CEP70: variants seen among roughly 807,000 people sequenced by gnomAD.
CEP70 encodes the protein centrosomal protein of 70 kDa.
In CEP70, 70 loss-of-function variants were observed where a neutral mutation model predicts 90.9. The observed-to-expected ratio is 0.77, with a 90% CI of 0.64 to 0.94. The LOEUF (loss-of-function observed/expected upper bound fraction) is 0.94, where lower values mean the gene tolerates loss of function less well. Ranked by LOEUF, CEP70 falls within the 40% of genes least tolerant of loss-of-function variation. CEP70 has a pLI of 0.00. For missense variants in CEP70, 648 were observed against 669.0 expected (o/e 0.97, Z 0.35); for synonymous variants, 220 against 228.3 (o/e 0.96, Z 0.33).
chr3:138,572,998 G>C lies in CEP70; in HGVS notation c.-5-66C>G, dbSNP rs1000519407. The C allele has an allele frequency of 1.3e-5, 14 of 1,072,166 alleles. No homozygotes were observed. The African/African-American group carries it at 2.2e-4, about 17-fold the overall frequency. The allele number at this position is 1,072,166 out of a possible 1,614,324, so 66.4% of individuals were successfully genotyped here. On this transcript the variant is annotated intron_variant, in intron 2 of 17. Coordinates refer to ENST00000264982, the MANE Select transcript of CEP70 (RefSeq NM_024491.4). ...AATTTGAGTTGCCTAAATGAAAAAA[G>C]ACAAAAAGTGCAAAAGGAGTTAAAG...
intron 10 of CEP70, among the ~76,000 whole-genome samples, chr3:138,527,013 A>G: frequency 2.9e-5 from 1 of 34,356 alleles, no homozygotes; most frequent in East Asian, 6.0e-4. Flanking sequence ...ACGATAGACA[A>G]AAAAAGAGTA....
chr3:138,554,070 G>A lies in CEP70; in HGVS notation c.465+16248C>T, dbSNP rs574878889. On this transcript the variant is annotated intron_variant, in intron 6 of 17. Transcript: ENST00000264982. ...ACAAAAAATAGCCAGGCATGGTGGT[G>A]CATGCCTGTAATCCCAGCTACTCAG... Among the ~76,000 whole-genome samples, 6 of 151,984 alleles carry A rather than the reference G, an allele frequency of 3.9e-5. No homozygotes were observed. In the South Asian group the frequency reaches 1.2e-3, roughly 32 times the overall value.
At chr3:138,562,640 C>T (rs1395694941) in intron 6 of CEP70, among the ~76,000 whole-genome samples, 1 of 152,186 alleles carries the variant, frequency 6.6e-6, no homozygotes, top group Non-Finnish European at 1.5e-5. Flanking sequence ...AAATCCTTTA[C>T]AGACAAACAA....
rs370858919 is a variant in CEP70 at position 138,529,225 on chromosome 3, C to T, written c.843G>A (p.Leu281=). ...SKIDALSSEK[L]NLQKDLETRP... is the part of the protein sequence containing the mutation. ...TGGTTTCCAAATCTTTTTGGAGGTTCAGCTTTTCACTTGAAAGTGCATCAA... is the reference window on the plus strand; with the variant it reads ...TGGTTTCCAAATCTTTTTGGAGGTTTAGCTTTTCACTTGAAAGTGCATCAA... Residue 281 remains leucine, a synonymous_variant, in exon 10 of 18, where the codon CTG becomes CTA. Transcript: ENST00000264982. 9 of 1,604,244 alleles carry T rather than the reference C, an allele frequency of 5.6e-6. No homozygotes were observed. The East Asian group carries it at 8.9e-5, about 16-fold the overall frequency.
At chr3:138,593,253 C>T (rs896637196) in intron 1 of CEP70, among the ~76,000 whole-genome samples, 5 of 152,150 alleles carry the variant, frequency 3.3e-5, no homozygotes, top group Non-Finnish European at 5.9e-5. Flanking sequence ...GACAGAGTCT[C>T]GCTCCGTCAC....
intron 11 of CEP70, among the ~76,000 whole-genome samples, chr3:138,511,487 G>A (rs1334928971): frequency 2.0e-5 from 3 of 152,152 alleles, no homozygotes; most frequent in Non-Finnish European, 4.4e-5. Flanking sequence ...CTTTCACTTA[G>A]GTGAAAATGT....
intron 6 of CEP70, among the ~76,000 whole-genome samples, chr3:138,556,679 G>A (rs2040033248): frequency 6.6e-6 from 1 of 152,180 alleles, no homozygotes; most frequent in Non-Finnish European, 1.5e-5. Context: ...GCGTCCGGGG[G>A]AGACATCACG....
chr3:138,576,561 AG>A (rs1282378723), intron 2 of CEP70, among the ~76,000 whole-genome samples: 3 of 152,186 alleles, frequency 2.0e-5, no homozygotes, highest in Non-Finnish European at 4.4e-5. Context: ...AAGGTTAACA[AG>A]GATATCCAGG....
At chr3:138,550,240 A>G (rs2039516778) in intron 6 of CEP70, among the ~76,000 whole-genome samples, 1 of 152,234 alleles carries the variant, frequency 6.6e-6, no homozygotes, top group South Asian at 2.1e-4. Flanking sequence ...AATAATTCAG[A>G]AGGGTGATTA....
At chr3:138,504,875 C>T (rs182628836) in intron 13 of CEP70, among the ~76,000 whole-genome samples, 94 of 151,960 alleles carry the variant, frequency 6.2e-4, no homozygotes, top group South Asian at 8.3e-4. Flanking sequence ...GAAAATATCC[C>T]CAATTATAAT....
At chr3:138,525,662 C>G (rs1478145525) in intron 10 of CEP70, 98 bp from the exon 11 acceptor site, 1 of 462,702 alleles carries the variant, frequency 2.2e-6, no homozygotes, top group South Asian at 6.1e-5. Flanking sequence ...TTACTTGTCA[C>G]AAATATACTT....
intron 11 of CEP70, among the ~76,000 whole-genome samples, chr3:138,521,348 C>T (rs568138155): frequency 0.011 from 1,575 of 147,396 alleles, 12 homozygotes; most frequent in Middle Eastern, 0.037. Flanking sequence ...GCCGCCACCC[C>T]GTCTGGGAAG....
chr3:138,543,964 T>C (rs1432477292), intron 6 of CEP70, among the ~76,000 whole-genome samples: 1 of 151,154 alleles, frequency 6.6e-6, no homozygotes, highest in African/African-American at 2.5e-5. Context: ...TGTTTGTTTC[T>C]ATTATTTGTG....
chr3:138,550,483 C>G (rs2039538877), intron 6 of CEP70, among the ~76,000 whole-genome samples: 1 of 152,180 alleles, frequency 6.6e-6, no homozygotes, highest in Non-Finnish European at 1.5e-5. Flanking sequence ...CCTGCCTCAG[C>G]CTCCTGAGTA....
chr3:138,555,020 G>A (rs964862318), intron 6 of CEP70, among the ~76,000 whole-genome samples: 13 of 152,078 alleles, frequency 8.5e-5, no homozygotes, highest in African/African-American at 2.2e-4. Flanking sequence ...TCTGGGAGGC[G>A]GGTAGATCAT....
At chr3:138,560,087 A>G (rs1235488709) in intron 6 of CEP70, among the ~76,000 whole-genome samples, 3 of 152,316 alleles carry the variant, frequency 2.0e-5, no homozygotes, top group Non-Finnish European at 4.4e-5. Context: ...CTGAATAGGA[A>G]CAGCTCCAGT....
intron 6 of CEP70, among the ~76,000 whole-genome samples, chr3:138,560,835 G>A (rs1287673118): frequency 6.6e-6 from 1 of 152,130 alleles, no homozygotes; most frequent in African/African-American, 2.4e-5. Context: ...TCCTCTCTGG[G>A]TAGGGCACCT....
At chr3:138,522,804 A>G (rs1456890776) in intron 11 of CEP70, among the ~76,000 whole-genome samples, 2 of 152,228 alleles carry the variant, frequency 1.3e-5, no homozygotes, top group Non-Finnish European at 2.9e-5. Context: ...TACAAGGAGG[A>G]GCTGGTACCA....
chr3:138,494,973 T>C lies in CEP70; in HGVS notation c.*42A>G, dbSNP rs1302945762. 9.3e-7 allele frequency: 1 copy of C among 1,076,980 alleles called. No individual in the cohort carries two copies. The highest frequency in any genetic ancestry group is 1.9e-5 in the Admixed American group (1 of 51,368). 66.7% of individuals were successfully genotyped at this position (1,076,980 alleles called of 1,614,324 possible). ...GATCAATCCTACAAAATACAAAATG[T>C]TAAGAATACAATTTACACAGTAAAA... On this transcript the variant is annotated 3_prime_UTR_variant, in exon 18 of 18. Transcript: ENST00000264982.
Sources: gnomAD v4.1 joint callset for allele counts (sites outside exome capture counted in the v4.1 genomes callset) on GRCh38, gnomAD v4.1.1 for gene constraint, MANE v1.5 for transcripts, NCBI Gene and HGNC (gene_info 2026-07-23, HGNC 2026-07-21) for gene names.